OXR1: variants seen among roughly 807,000 people sequenced by gnomAD.
OXR1 encodes the protein oxidation resistance 1, also known as oxidation resistance protein 1.
A neutral mutation model predicts 104.6 loss-of-function variants in OXR1; 41 were observed. The observed-to-expected ratio is 0.39, with a 90% CI of 0.31 to 0.51. OXR1 has a LOEUF of 0.51. Ranked by LOEUF, OXR1 falls within the 20% of genes least tolerant of loss-of-function variation. OXR1 has a pLI of 0.77. For missense variants in OXR1, 955 were observed against 1,031.9 expected (o/e 0.93, Z 1.02); for synonymous variants, 348 against 348.4 (o/e 1.00, Z 0.01).
chr8:106,288,941 G>C (rs1411442697), intron 1 of OXR1, among the ~76,000 whole-genome samples: 1 of 151,954 alleles, frequency 6.6e-6, no homozygotes, highest in African/African-American at 2.4e-5. Context: ...TGGGAAAAAA[G>C]TGGTGAATAA....
intron 14 of OXR1, among the ~76,000 whole-genome samples, 193 bp from the exon 15 acceptor site, chr8:106,742,029 A>C (rs1834963007): frequency 6.6e-6 from 1 of 152,172 alleles, no homozygotes; most frequent in Non-Finnish European, 1.5e-5. Flanking sequence ...TCCATTGAAA[A>C]ACCAATATAC....
intron 7 of OXR1, among the ~76,000 whole-genome samples, chr8:106,698,619 G>A (rs1207482769): frequency 6.6e-6 from 1 of 151,710 alleles, no homozygotes; most frequent in Non-Finnish European, 1.5e-5. Flanking sequence ...TTAATTGCTT[G>A]TTTTTAAATT....
At chr8:106,503,440 A>G (rs1811940826) in intron 2 of OXR1, among the ~76,000 whole-genome samples, 1 of 152,112 alleles carries the variant, frequency 6.6e-6, no homozygotes, top group Non-Finnish European at 1.5e-5. Flanking sequence ...GCCCAATACA[A>G]CAGTGTGGAG....
At chr8:106,450,829 C>T (rs1820272899) in intron 2 of OXR1, among the ~76,000 whole-genome samples, 1 of 151,696 alleles carries the variant, frequency 6.6e-6, no homozygotes, top group East Asian at 1.9e-4. Flanking sequence ...GATAATTTGC[C>T]TGTGCACCTC....
At chr8:106,446,668 T>C (rs971018417) in intron 2 of OXR1, among the ~76,000 whole-genome samples, 7 of 151,384 alleles carry the variant, frequency 4.6e-5, no homozygotes, top group Admixed American at 3.3e-4. Flanking sequence ...CAGTGACTCA[T>C]GCCTGCTATT....
At chr8:106,541,492 T>A (rs1255112691) in intron 3 of OXR1, among the ~76,000 whole-genome samples, 2 of 152,184 alleles carry the variant, frequency 1.3e-5, no homozygotes, top group African/African-American at 4.8e-5. Context: ...GGTGAAGAAA[T>A]GAAAGAACGA....
chr8:106,547,731 C>A (rs1057011074), intron 3 of OXR1, among the ~76,000 whole-genome samples: 3 of 152,006 alleles, frequency 2.0e-5, no homozygotes, highest in Non-Finnish European at 4.4e-5. Flanking sequence ...GACCTCATCA[C>A]CTGCCTCGTG....
intron 2 of OXR1, among the ~76,000 whole-genome samples, chr8:106,397,376 G>A (rs903205363): frequency 1.3e-4 from 20 of 151,946 alleles, no homozygotes; most frequent in African/African-American, 4.1e-4. Flanking sequence ...TACATGGGTC[G>A]GAAGGAGCCT....
intron 2 of OXR1, among the ~76,000 whole-genome samples, chr8:106,512,097 A>G (rs1435043200): frequency 6.6e-6 from 1 of 152,152 alleles, no homozygotes; most frequent in Non-Finnish European, 1.5e-5. Flanking sequence ...TATTAGTCTA[A>G]TCTTCATGTC....
At chr8:106,584,556 C>G (rs939430460) in intron 3 of OXR1, among the ~76,000 whole-genome samples, 1 of 152,004 alleles carries the variant, frequency 6.6e-6, no homozygotes, top group Non-Finnish European at 1.5e-5. Context: ...TAGGACTTCT[C>G]TATAGCAATA....
chr8:106,365,919 A>C (rs1816450763), intron 2 of OXR1, among the ~76,000 whole-genome samples: 1 of 152,206 alleles, frequency 6.6e-6, no homozygotes, highest in South Asian at 2.1e-4. Context: ...TGGTCTAGAT[A>C]GAGGAGTTTG....
In OXR1 at chr8:106,692,740, C is replaced by T; in HGVS notation, c.538C>T (p.His180Tyr). The T allele has an allele frequency of 6.8e-7, 1 of 1,476,556 alleles. No homozygotes were observed. 91.5% of individuals were successfully genotyped at this position (1,476,556 alleles called of 1,614,324 possible). A position where few individuals can be genotyped will look rare whatever the true frequency, so the allele number is the denominator to read the frequency against. ...EFDKTTNPDVHPTEATPSSTF... is the reference protein window; with the variant it reads ...EFDKTTNPDVYPTEATPSSTF... ...AAAAAAAAAAAAGAATCCTGATGTC[C>T]ATCCAACAGAAGCAACTCCCTCATC... The change falls in exon 7 of 17, where the codon CAT (histidine) becomes TAT (tyrosine). Residue 180 changes from histidine (H) to tyrosine (Y), a missense_variant. Physicochemically the swap from His to Tyr is moderately conservative, Grantham distance 83 (BLOSUM62 2). Around this residue, in one of 2 missense-constraint regions of OXR1, gnomAD observed 849 missense variants for 852.9 expected, o/e 1.00. Transcript: ENST00000517566.
rs536517972 is a variant in OXR1, at chr8:106,543,820, C to T, written c.220+24681C>T. 5.9e-5 allele frequency among the ~76,000 whole-genome samples: 9 copies of T among 152,288 alleles called. No individual in the cohort carries two copies. The East Asian group carries it at 1.4e-3, about 23-fold the overall frequency. On this transcript the variant is annotated intron_variant, in intron 3 of 16. Coordinates refer to ENST00000517566, the MANE Select transcript of OXR1 (RefSeq NM_001198533.2). ...ACCTAACCAAGAAGCCTTTGAAAACCTCCCATTGCCATCCAGCCCTAAGTC... is the reference window on the plus strand; with the variant it reads ...ACCTAACCAAGAAGCCTTTGAAAACTTCCCATTGCCATCCAGCCCTAAGTC...
intron 4 of OXR1, among the ~76,000 whole-genome samples, chr8:106,680,558 T>G (rs1008761376): frequency 4.6e-5 from 7 of 152,228 alleles, no homozygotes; most frequent in Non-Finnish European, 1.0e-4. Flanking sequence ...GCTATCATTA[T>G]GCTTTGTTGA....
At chr8:106,723,497 CAAAAA>C (rs550424646) in intron 11 of OXR1, among the ~76,000 whole-genome samples, 1 of 95,688 alleles carries the variant, frequency 1.0e-5, no homozygotes, top group Non-Finnish European at 2.2e-5. Context: ...GCCTCTGTCT[CAAAAA>C]AAAAAAAAAA....
intron 4 of OXR1, among the ~76,000 whole-genome samples, chr8:106,682,118 C>T (rs1415270589): frequency 6.6e-6 from 1 of 152,044 alleles, no homozygotes; most frequent in Non-Finnish European, 1.5e-5. Context: ...TTTATTCATA[C>T]TCAAAACTTC....
At chr8:106,720,091 C>A (rs1383096987) in intron 11 of OXR1, among the ~76,000 whole-genome samples, 1 of 152,194 alleles carries the variant, frequency 6.6e-6, no homozygotes, top group Admixed American at 6.5e-5. Flanking sequence ...CAGGCGTGAG[C>A]CACCGTGTCT....
At chr8:106,575,055 C>T (rs1167144505) in intron 3 of OXR1, among the ~76,000 whole-genome samples, 1 of 152,004 alleles carries the variant, frequency 6.6e-6, no homozygotes, top group African/African-American at 2.4e-5. Context: ...ACATTTTTCT[C>T]ACACCATTAA....
intron 2 of OXR1, among the ~76,000 whole-genome samples, chr8:106,376,991 A>G (rs1381496715): frequency 6.6e-6 from 1 of 152,148 alleles, no homozygotes; most frequent in Non-Finnish European, 1.5e-5. Context: ...TGTATATGCT[A>G]TGTCTAATGT....
Sources: allele counts gnomAD v4.1 joint callset (sites outside exome capture counted in the v4.1 genomes callset), GRCh38; gene constraint gnomAD v4.1.1; regional missense constraint gnomAD v4.1.1; transcripts MANE v1.5; gene names NCBI Gene and HGNC (gene_info 2026-07-23, HGNC 2026-07-21).